Variants in CNOT6L observed in about 807,000 individuals in gnomAD.
The protein encoded by CNOT6L is CCR4-NOT transcription complex subunit 6-like.
A neutral mutation model predicts 64.0 loss-of-function variants in CNOT6L; 7 were observed. The ratio of observed to expected loss-of-function variants is 0.11; its 90% CI spans 0.06 to 0.21. The LOEUF (loss-of-function observed/expected upper bound fraction) is 0.21, where lower values mean the gene tolerates loss of function less well. Among genes scored for constraint, CNOT6L ranks in the 10% least tolerant of loss-of-function variants. CNOT6L has a pLI of 1.00. For synonymous variants in CNOT6L, 193 were observed against 243.4 expected, an observed-to-expected ratio of 0.79 and a Z score of 1.93; for missense variants, 245 against 669.0, an observed-to-expected ratio of 0.37 and a Z score of 6.99.
chr4:77,808,521 A>G (rs1441684158), intron 1 of CNOT6L, among the ~76,000 whole-genome samples: 2 of 151,946 alleles, frequency 1.3e-5, no homozygotes, highest in African/African-American at 4.8e-5. Flanking sequence ...CTCCTATCCT[A>G]GCCCACAGTA....
At chr4:77,799,709 A>AG (rs1180674422) in intron 1 of CNOT6L, among the ~76,000 whole-genome samples, 1 of 151,470 alleles carries the variant, frequency 6.6e-6, no homozygotes, top group Non-Finnish European at 1.5e-5. Flanking sequence ...CATCTCAAAA[A>AG]AAAAAAAAAA....
At chr4:77,745,194 G>C (rs562248014) in intron 6 of CNOT6L, among the ~76,000 whole-genome samples, 80 of 152,152 alleles carry the variant, frequency 5.3e-4, no homozygotes, top group African/African-American at 1.8e-3. Context: ...CTTTAAATGA[G>C]TGGAACAAAA....
intron 1 of CNOT6L, among the ~76,000 whole-genome samples, chr4:77,786,485 T>A (rs1009231972): frequency 4.8e-4 from 73 of 151,968 alleles, no homozygotes; most frequent in African/African-American, 1.7e-3. Flanking sequence ...AAAAAAAAAT[T>A]TTTTTTGAGA....
At chr4:77,756,481 A>C (rs570059614) in intron 5 of CNOT6L, among the ~76,000 whole-genome samples, 1 of 152,356 alleles carries the variant, frequency 6.6e-6, no homozygotes, top group South Asian at 2.1e-4. Flanking sequence ...CATCAAATGC[A>C]AACAACTAAT....
chr4:77,756,136 A>G (rs1725555203), intron 5 of CNOT6L, among the ~76,000 whole-genome samples: 1 of 152,070 alleles, frequency 6.6e-6, no homozygotes, highest in Non-Finnish European at 1.5e-5. Flanking sequence ...GGCACGCACC[A>G]CCACGCCTGG....
Position 77,797,102 on chromosome 4 carries a change from C to CAAAAAAAAAAAAAAAAAAAAAAAAAAAA in CNOT6L, c.6-20711_6-20710insTTTTTTTTTTTTTTTTTTTTTTTTTTTT. ...AGCCTGACAGAGGAAGACCTTGTCT[C>CAAAAAAAAAAAAAAAAAAAAAAAAAAAA]AAAAAAAAAAAAAAAAAAAAAAAAC... is the stretch of plus-strand genomic sequence containing the variant. On this transcript the variant is annotated intron_variant, in intron 1 of 11. Coordinates refer to ENST00000504123, the MANE Select transcript of CNOT6L (RefSeq NM_144571.3). Among the ~76,000 whole-genome samples, 2 of 52,988 alleles carry CAAAAAAAAAAAAAAAAAAAAAAAAAAAA rather than the reference C, an allele frequency of 3.8e-5. 1 individual carries two copies. Among genetic ancestry groups the CAAAAAAAAAAAAAAAAAAAAAAAAAAAA allele is most frequent in the Non-Finnish European group, 6.2e-5 (2 of 32,104 alleles). 34.8% of individuals were successfully genotyped at this position (52,988 alleles called of 152,430 possible). A position where few individuals can be genotyped will look rare whatever the true frequency, so the allele number is the denominator to read the frequency against.
chr4:77,784,737 G>A lies in CNOT6L; in HGVS notation c.6-8345C>T, dbSNP rs113780316. ...TGGCCCAAGTGATCTGCCCACCTCAGCCTCCCAAAGTGCTGGAATTACAGG... is the reference window on the plus strand; with the variant it reads ...TGGCCCAAGTGATCTGCCCACCTCAACCTCCCAAAGTGCTGGAATTACAGG... On this transcript the variant is annotated intron_variant, in intron 1 of 11. Transcript: ENST00000504123. Among the ~76,000 whole-genome samples, 240 of 152,222 alleles carry A rather than the reference G, an allele frequency of 1.6e-3. 2 individuals carry two copies. The highest frequency in any genetic ancestry group is 5.2e-3 in the African/African-American group (215 of 41,552).
chr4:77,772,864 A>G (rs986358896), intron 4 of CNOT6L, among the ~76,000 whole-genome samples: 5 of 152,202 alleles, frequency 3.3e-5, no homozygotes, highest in African/African-American at 9.6e-5. Context: ...CAGAGCTTGC[A>G]GTGAGCCAAG....
chr4:77,735,338 C>G (rs181971331), intron 8 of CNOT6L, among the ~76,000 whole-genome samples: 11 of 152,258 alleles, frequency 7.2e-5, no homozygotes, highest in Non-Finnish European at 1.3e-4. Flanking sequence ...CTCTGAGAAC[C>G]CACATTGCAG....
At chr4:77,721,922 T>C (rs1185364849) in intron 11 of CNOT6L, among the ~76,000 whole-genome samples, 3 of 150,638 alleles carry the variant, frequency 2.0e-5, no homozygotes, top group African/African-American at 7.3e-5. Context: ...CTTATAATTG[T>C]CCCACTGCTT....
intron 8 of CNOT6L, among the ~76,000 whole-genome samples, chr4:77,741,482 A>G (rs1245271438): frequency 6.6e-6 from 1 of 152,118 alleles, no homozygotes; most frequent in Admixed American, 6.5e-5. Flanking sequence ...TTCATTTTCC[A>G]TTGCCCTGTC....
chr4:77,778,908 G>A (rs539481998), intron 1 of CNOT6L, among the ~76,000 whole-genome samples: 1 of 151,616 alleles, frequency 6.6e-6, no homozygotes, highest in Non-Finnish European at 1.5e-5. Flanking sequence ...TTAGCGGGGC[G>A]TGGTGGCGGG....
chr4:77,722,714 A>C (rs1053125210), intron 11 of CNOT6L, among the ~76,000 whole-genome samples: 2 of 152,164 alleles, frequency 1.3e-5, no homozygotes, highest in African/African-American at 4.8e-5. Context: ...ATCCAGAGTA[A>C]AAACTCTTAT....
chr4:77,792,725 T>TA (rs77060039), intron 1 of CNOT6L, among the ~76,000 whole-genome samples: 94,156 of 123,976 alleles, frequency 0.76, 36,388 homozygotes, highest in Non-Finnish European at 0.82. Context: ...GACTCTGCCT[T>TA]AAAAAAAAAA....
At chr4:77,734,582 G>C (rs1267319582) in intron 8 of CNOT6L, among the ~76,000 whole-genome samples, 1 of 152,012 alleles carries the variant, frequency 6.6e-6, no homozygotes, top group African/African-American at 2.4e-5. Flanking sequence ...GCTGATTCTT[G>C]TCCCTCCCTC....
chr4:77,748,377 T>G lies in CNOT6L; in HGVS notation c.498A>C (p.Pro166=). The G allele has an allele frequency of 6.2e-7, 1 of 1,611,146 alleles. No individual in the cohort carries two copies. Among genetic ancestry groups the G allele is most frequent in the South Asian group, 1.1e-5 (1 of 90,848 alleles). ...TCCATGGCCTCGGAGGAAGCTGCTC[T>G]GGATGAACTGAAAAAAATTTTGTAA... ...NFMLDNLAVH[P]EQLPPRPWIT... The change falls in exon 6 of 12, where the codon CCA becomes CCC. Residue 166 remains proline, a synonymous_variant. Transcript: ENST00000504123.
Position 77,713,977 on chromosome 4 carries a change from CACAA to C in CNOT6L, c.*6450_*6453del, listed in dbSNP as rs1327197919. The C allele has an allele frequency of 1.3e-5, 2 of 152,416 alleles. No individual in the cohort carries two copies. The highest frequency in any genetic ancestry group is 2.9e-5 in the Non-Finnish European group (2 of 67,966). The allele number at this position is 152,416 out of a possible 1,614,324, so 9.4% of individuals were successfully genotyped here. ...TTAGATTTTAAACTGATTACTGAAA[CACAA>C]AAACAAGTTGATTTAGTCCTTGGCT... On this transcript the variant is annotated 3_prime_UTR_variant, in exon 12 of 12. Transcript: ENST00000504123.
At chr4:77,754,526 T>A (rs903189291) in intron 5 of CNOT6L, among the ~76,000 whole-genome samples, 1 of 152,084 alleles carries the variant, frequency 6.6e-6, no homozygotes, top group Admixed American at 6.5e-5. Context: ...CTCTACATTT[T>A]AGAGAGGGGA....
Position 77,748,331 on chromosome 4 carries a change from G to C in CNOT6L, c.544C>G (p.Gln182Glu). Residue 182 changes from glutamine to glutamate, a missense_variant, in exon 6 of 12, where the codon CAA becomes GAA. Coordinates refer to ENST00000504123, the MANE Select transcript of CNOT6L (RefSeq NM_144571.3). Reference protein sequence around the residue: ...RPWITLKERDQILPSASFTVM... With the variant: ...RPWITLKERDEILPSASFTVM... ...AACTATTTACCTGACGGCAGAATTT[G>C]GTCTCGTTCTTTTAATGTAATCCAT... The C allele has an allele frequency of 1.2e-6, 2 of 1,610,142 alleles. No homozygotes were observed. The highest frequency in any genetic ancestry group is 1.7e-6 in the Non-Finnish European group (2 of 1,176,956).
Sources: allele counts gnomAD v4.1 joint callset (sites outside exome capture counted in the v4.1 genomes callset), GRCh38; gene constraint gnomAD v4.1.1; transcripts MANE v1.5; gene names NCBI Gene and HGNC (gene_info 2026-07-23, HGNC 2026-07-21).